Variants in KLRF1 observed in about 807,000 individuals in gnomAD.
KLRF1 encodes killer cell lectin-like receptor subfamily F member 1.
A neutral mutation model predicts 30.7 loss-of-function variants in KLRF1; 27 were observed. The ratio of observed to expected loss-of-function variants is 0.88; its 90% CI spans 0.65 to 1.21. KLRF1 has a LOEUF of 1.21. KLRF1 is among the 50% of genes most tolerant of loss of function. The pLI, the probability that KLRF1 is intolerant of heterozygous loss-of-function variation, is 0.00. For synonymous variants in KLRF1, 92 were observed against 89.3 expected (o/e 1.03, Z -0.17); for missense variants, 246 against 259.3 (o/e 0.95, Z 0.35).
rs1867777605 is a variant in KLRF1 at position 9,844,777 on chromosome 12, A to G, written c.*251A>G. 4.5e-6 allele frequency: 1 copy of G among 223,386 alleles called. No individual in the cohort carries two copies. The allele number at this position is 223,386 out of a possible 1,614,324, so 13.8% of individuals were successfully genotyped here. On this transcript the variant is annotated 3_prime_UTR_variant, in exon 6 of 6. Coordinates refer to ENST00000617889, the MANE Select transcript of KLRF1 (RefSeq NM_016523.3). ...TCATGTGATCATATCCAGGATTTTTATTCGTCGCTTATTTTATGCCAAATG... is the reference window on the plus strand; with the variant it reads ...TCATGTGATCATATCCAGGATTTTTGTTCGTCGCTTATTTTATGCCAAATG...
chr12:9,840,190 C>T (rs1034278189), intron 3 of KLRF1, among the ~76,000 whole-genome samples: 19 of 151,940 alleles, frequency 1.3e-4, no homozygotes, highest in East Asian at 5.8e-4. Context: ...TGGTTGCCAG[C>T]GCTGGGGGAG....
chr12:9,807,266 A>G, the KLRF1 span, among the ~76,000 whole-genome samples: 1,357 of 152,210 alleles, frequency 8.9e-3, 27 homozygotes, highest in African/African-American at 0.031. Context: ...CAAAGAATAA[A>G]TTATTGTGTT....
Position 9,833,290 on chromosome 12 carries a change from T to C in KLRF1, c.185-13T>C. On this transcript the variant is annotated splice_polypyrimidine_tract_variant and intron_variant, in intron 2 of 5. Transcript: ENST00000617889. The stretch of plus-strand genomic sequence containing the variant: ...AGATATTTACCTAACCTTAAAATAG[T>C]CCTGTATTCAAGTTTCTCAGGGAGT... 3.8e-6 allele frequency: 6 copies of C among 1,572,564 alleles called. No homozygotes were observed. The highest frequency in any genetic ancestry group is 5.2e-6 in the Non-Finnish European group (6 of 1,159,988).
At chr12:9,842,490 C>A in intron 5 of KLRF1, 57 bp downstream of exon 5, 2 of 1,497,534 alleles carry the variant, frequency 1.3e-6, no homozygotes, top group East Asian at 2.3e-5. Context: ...TATGTCTCCT[C>A]CAGGTTCACC....
At chr12:9,819,392 C>T in the KLRF1 span, among the ~76,000 whole-genome samples, 4 of 152,180 alleles carry the variant, frequency 2.6e-5, no homozygotes, top group African/African-American at 9.7e-5. Flanking sequence ...GTTATACCTC[C>T]CCTGAGATGA....
At chr12:9,815,326 A>G in the KLRF1 span, among the ~76,000 whole-genome samples, 1 of 152,260 alleles carries the variant, frequency 6.6e-6, no homozygotes, top group Non-Finnish European at 1.5e-5. Flanking sequence ...TGGAAGTAAC[A>G]GAAATGTCTC....
At chr12:9,803,410 CTT>C in the KLRF1 span, among the ~76,000 whole-genome samples, 1 of 151,944 alleles carries the variant, frequency 6.6e-6, no homozygotes. Flanking sequence ...GAGTAGAAGT[CTT>C]TAAGTCTTTA....
the KLRF1 span, among the ~76,000 whole-genome samples, chr12:9,800,743 T>C: frequency 1.9e-4 from 29 of 152,178 alleles, no homozygotes; most frequent in African/African-American, 6.5e-4. Flanking sequence ...TTAAGAGTTA[T>C]TTATCTATTT....
chr12:9,831,327 C>A (rs960696875), intron 1 of KLRF1, among the ~76,000 whole-genome samples: 2 of 151,962 alleles, frequency 1.3e-5, no homozygotes, highest in African/African-American at 4.8e-5. Flanking sequence ...AGAAACCCTG[C>A]GAACTATTTA....
intron 5 of KLRF1, 70 bp downstream of exon 5, chr12:9,842,503 A>G: frequency 7.0e-7 from 1 of 1,419,656 alleles, no homozygotes; most frequent in African/African-American, 1.4e-5. Context: ...GGTTCACCAA[A>G]TTCAACTCTG....
chr12:9,840,872 G>A (rs180799914), intron 3 of KLRF1, among the ~76,000 whole-genome samples: 4 of 152,172 alleles, frequency 2.6e-5, no homozygotes, highest in South Asian at 2.1e-4. Flanking sequence ...TTGTTCAGCC[G>A]TTATGGGAGA....
chr12:9,830,136 G>A (rs894663884), intron 1 of KLRF1, among the ~76,000 whole-genome samples: 4 of 152,078 alleles, frequency 2.6e-5, no homozygotes, highest in African/African-American at 9.7e-5. Flanking sequence ...GACACTTGTC[G>A]AGTTTCTGTC....
rs2232548 is a variant in KLRF1 at position 9,833,319 on chromosome 12, G to T, written c.201G>T (p.Leu67Phe). 0.079 allele frequency: 126,010 copies of T among 1,600,524 alleles called. 5,383 individuals are homozygous for T. Among genetic ancestry groups the T allele is most frequent in the African/African-American group, 0.11 (7,942 of 74,116 alleles). Reference protein sequence around the residue: ...SLILLVSQGVLLKCQKGSCSN... With the variant: ...SLILLVSQGVFLKCQKGSCSN... ...GTATTCAAGTTTCTCAGGGAGTATT[G>T]CTAAAATGCCAAAAAGGAAGTTGTT... Residue 67 changes from leucine to phenylalanine, a missense_variant, in exon 3 of 6, where the codon TTG (leucine) becomes TTT (phenylalanine). Coordinates refer to ENST00000617889, the MANE Select transcript of KLRF1 (RefSeq NM_016523.3).
the KLRF1 span, among the ~76,000 whole-genome samples, chr12:9,809,038 C>T: frequency 6.6e-6 from 1 of 152,124 alleles, no homozygotes; most frequent in East Asian, 1.9e-4. Context: ...AGATGACATA[C>T]AACTTGGATA....
chr12:9,832,013 C>T (rs1044783498), intron 1 of KLRF1, among the ~76,000 whole-genome samples: 9 of 151,992 alleles, frequency 5.9e-5, no homozygotes, highest in East Asian at 5.8e-4. Flanking sequence ...CGTGTGTCTC[C>T]GCAATGGTTG....
At chr12:9,807,085 T>C in the KLRF1 span, among the ~76,000 whole-genome samples, 15,849 of 152,160 alleles carry the variant, frequency 0.1, 1,058 homozygotes, top group East Asian at 0.37. Flanking sequence ...ACTTTTCAGG[T>C]TTCCTTTTAA....
intron 1 of KLRF1, among the ~76,000 whole-genome samples, chr12:9,828,662 A>G (rs1447172169): frequency 6.6e-6 from 1 of 152,136 alleles, no homozygotes; most frequent in African/African-American, 2.4e-5. Context: ...AATTTTACTT[A>G]TCTCTTGAGT....
intron 3 of KLRF1, among the ~76,000 whole-genome samples, chr12:9,834,109 G>T (rs1161672087): frequency 2.0e-5 from 3 of 151,658 alleles, no homozygotes; most frequent in Admixed American, 6.6e-5. Flanking sequence ...CAGTGGGGGA[G>T]CTTTTTGAGC....
chr12:9,817,924 C>T, the KLRF1 span: 2 of 202,196 alleles, frequency 9.9e-6, no homozygotes, highest in Non-Finnish European at 2.3e-5. Context: ...AGACAGCAGC[C>T]TCATCCAGCT....
Sources: allele counts gnomAD v4.1 joint callset (sites outside exome capture counted in the v4.1 genomes callset), GRCh38; gene constraint gnomAD v4.1.1; transcripts MANE v1.5; gene names NCBI Gene and HGNC (gene_info 2026-07-23, HGNC 2026-07-21).